Variants in AGBL4 observed in about 807,000 individuals in gnomAD.
AGBL4 encodes cytosolic carboxypeptidase 6.
A neutral mutation model predicts 66.4 loss-of-function variants in AGBL4; 58 were observed. The ratio of observed to expected loss-of-function variants is 0.87; its 90% CI spans 0.71 to 1.09. The LOEUF (loss-of-function observed/expected upper bound fraction) is 1.09, where lower values mean the gene tolerates loss of function less well. Among genes scored for constraint, AGBL4 ranks in the 50% least tolerant of loss-of-function variants. AGBL4 has a pLI of 0.00. For synonymous variants in AGBL4, 234 were observed against 222.9 expected, an observed-to-expected ratio of 1.05 and a Z score of -0.44; for missense variants, 579 against 631.0, an observed-to-expected ratio of 0.92 and a Z score of 0.88.
At chr1:49,875,081 T>C (rs1279078817) in intron 1 of AGBL4, among the ~76,000 whole-genome samples, 2 of 149,514 alleles carry the variant, frequency 1.3e-5, no homozygotes, top group Non-Finnish European at 3.0e-5. Flanking sequence ...TGGTATTTGG[T>C]TTTTTTGTTC....
chr1:50,006,718 A>G (rs1661158481), intron 1 of AGBL4, among the ~76,000 whole-genome samples: 1 of 152,130 alleles, frequency 6.6e-6, no homozygotes, highest in Non-Finnish European at 1.5e-5. Context: ...AGAATAGAGT[A>G]TCCAGCTAAA....
At chr1:49,707,443 T>G (rs755548845) in intron 2 of AGBL4, among the ~76,000 whole-genome samples, 13 of 150,482 alleles carry the variant, frequency 8.6e-5, no homozygotes, top group Non-Finnish European at 1.5e-4. Context: ...AGCCTATGTG[T>G]GTCTTTGCAC....
At chr1:49,029,881 TA>T (rs1664065802) in intron 5 of AGBL4, among the ~76,000 whole-genome samples, 1 of 152,172 alleles carries the variant, frequency 6.6e-6, no homozygotes, top group Non-Finnish European at 1.5e-5. Context: ...CTTACATGTA[TA>T]GTCAACTGAT....
intron 5 of AGBL4, among the ~76,000 whole-genome samples, chr1:48,889,230 G>A (rs1650672090): frequency 6.6e-6 from 1 of 152,228 alleles, no homozygotes; most frequent in African/African-American, 2.4e-5. Flanking sequence ...TGTGTTCAGT[G>A]TCACAGAAAG....
intron 3 of AGBL4, among the ~76,000 whole-genome samples, chr1:49,345,441 C>G (rs1473906269): frequency 6.6e-6 from 1 of 152,016 alleles, no homozygotes; most frequent in Non-Finnish European, 1.5e-5. Context: ...GATGAATACT[C>G]TTTAATGTAG....
intron 6 of AGBL4, among the ~76,000 whole-genome samples, chr1:48,725,790 A>C (rs1347197378): frequency 6.6e-6 from 1 of 152,202 alleles, no homozygotes; most frequent in African/African-American, 2.4e-5. Context: ...ATAACAAGGC[A>C]CCATGTACAC....
chr1:49,434,569 T>A (rs1236449786), intron 3 of AGBL4, among the ~76,000 whole-genome samples: 1 of 152,104 alleles, frequency 6.6e-6, no homozygotes, highest in East Asian at 1.9e-4. Context: ...ATGTCGTAGG[T>A]ACAGATATAT....
At chr1:49,469,898 T>C (rs1282382038) in intron 3 of AGBL4, 1 of 151,888 alleles carries the variant, frequency 6.6e-6, no homozygotes, top group African/African-American at 2.4e-5. Context: ...AGAGTCTATG[T>C]AAGAGAGGAA....
chr1:48,908,088 C>T (rs1247215545), intron 5 of AGBL4, among the ~76,000 whole-genome samples: 1 of 152,160 alleles, frequency 6.6e-6, no homozygotes. Flanking sequence ...GCAGTTCTCT[C>T]TTCTAAGAGG....
At chr1:48,553,047 CAA>C (rs1345112753) in intron 11 of AGBL4, among the ~76,000 whole-genome samples, 1 of 152,096 alleles carries the variant, frequency 6.6e-6, no homozygotes, top group African/African-American at 2.4e-5. Flanking sequence ...ACTTCTCACT[CAA>C]GAGGGAAATT....
chr1:49,882,102 A>C (rs1434980952), intron 1 of AGBL4, among the ~76,000 whole-genome samples: 1 of 152,056 alleles, frequency 6.6e-6, no homozygotes, highest in East Asian at 1.9e-4. Flanking sequence ...AGCTTTCTAC[A>C]TATGGCTAGC....
chr1:49,194,018 G>A (rs1647176566), intron 4 of AGBL4, among the ~76,000 whole-genome samples: 1 of 152,146 alleles, frequency 6.6e-6, no homozygotes, highest in Admixed American at 6.5e-5. Context: ...TTCTTCAAAT[G>A]TCTGTTAGGT....
At chr1:49,051,041 C>G (rs1443869922) in intron 4 of AGBL4, among the ~76,000 whole-genome samples, 1 of 152,052 alleles carries the variant, frequency 6.6e-6, no homozygotes, top group Non-Finnish European at 1.5e-5. Flanking sequence ...TTCTCTAAAA[C>G]AGCAGCATTC....
At chr1:49,601,948 A>C (rs945725642) in intron 3 of AGBL4, among the ~76,000 whole-genome samples, 9 of 152,232 alleles carry the variant, frequency 5.9e-5, no homozygotes, top group African/African-American at 2.2e-4. Context: ...CTTGCAATCT[A>C]TCCATCTGAC....
At chr1:49,237,388 C>T (rs1474772994) in intron 4 of AGBL4, among the ~76,000 whole-genome samples, 1 of 151,674 alleles carries the variant, frequency 6.6e-6, no homozygotes, top group African/African-American at 2.4e-5. Flanking sequence ...TGTGAGGCCT[C>T]CCCAGCCACA....
intron 11 of AGBL4, among the ~76,000 whole-genome samples, chr1:48,581,050 T>C (rs1644732341): frequency 6.6e-6 from 1 of 152,000 alleles, no homozygotes; most frequent in Non-Finnish European, 1.5e-5. Flanking sequence ...ACCAGCAGAG[T>C]TCCCCTCTGC....
chr1:48,594,750 A>G (rs192426960), intron 9 of AGBL4, among the ~76,000 whole-genome samples: 47 of 152,232 alleles, frequency 3.1e-4, no homozygotes, highest in African/African-American at 1.1e-3. Flanking sequence ...CATTTATTGA[A>G]TTGTGCATCT....
chr1:48,604,701 T>C (rs1645130400), intron 9 of AGBL4, among the ~76,000 whole-genome samples: 1 of 152,222 alleles, frequency 6.6e-6, no homozygotes, highest in South Asian at 2.1e-4. Context: ...GGCGGGCTTT[T>C]CTGTAGCTAT....
At chr1:49,205,765 T>C (rs1039031044) in intron 4 of AGBL4, among the ~76,000 whole-genome samples, 5 of 152,166 alleles carry the variant, frequency 3.3e-5, no homozygotes, top group Non-Finnish European at 7.4e-5. Flanking sequence ...TGCATAATGT[T>C]AATACATTGT....
Sources: gnomAD v4.1 joint callset for allele counts (sites outside exome capture counted in the v4.1 genomes callset) on GRCh38, gnomAD v4.1.1 for gene constraint, MANE v1.5 for transcripts, NCBI Gene and HGNC (gene_info 2026-07-23, HGNC 2026-07-21) for gene names.